RBFOX2: variants seen among roughly 807,000 people sequenced by gnomAD.
The protein encoded by RBFOX2 is RNA binding protein fox-1 homolog 2.
RBFOX2 carries 10 observed loss-of-function variants against 49.1 expected under a neutral mutation model. The observed-to-expected ratio is 0.20, with a 90% confidence interval of 0.13 to 0.35. The LOEUF is 0.35. Among genes scored for constraint, RBFOX2 ranks in the 10% least tolerant of loss-of-function variants. The pLI is 1.00. For missense variants in RBFOX2, 323 were observed against 486.9 expected (o/e 0.66, Z 3.17); for synonymous variants, 183 against 187.4 (o/e 0.98, Z 0.19).
intron 1 of RBFOX2, among the ~76,000 whole-genome samples, chr22:35,825,981 CAAA>C (rs901630936): frequency 2.5e-5 from 1 of 39,856 alleles, no homozygotes; most frequent in African/African-American, 1.1e-4. Context: ...GACTCCGCTT[CAAA>C]AAAAAAAAAA....
At chr22:35,961,951 G>T (rs551162734), upstream of RBFOX2, among the ~76,000 whole-genome samples, 3 of 152,128 alleles carry the variant, frequency 2.0e-5, no homozygotes, top group African/African-American at 7.2e-5. Context: ...GATATCTGCT[G>T]AGCATTAAAA....
At chr22:35,955,035 A>G (rs958740457) in intron 1 of RBFOX2, among the ~76,000 whole-genome samples, 1 of 152,130 alleles carries the variant, frequency 6.6e-6, no homozygotes. Flanking sequence ...ACATCAACTC[A>G]AGCAAAATTC....
At chr22:36,022,953 G>A (rs1437913221) in intron 1 of RBFOX2, among the ~76,000 whole-genome samples, 1 of 152,106 alleles carries the variant, frequency 6.6e-6, no homozygotes, top group African/African-American at 2.4e-5. Context: ...AATGTCTGTT[G>A]TTTAAGCCAC....
intron 1 of RBFOX2, among the ~76,000 whole-genome samples, chr22:35,821,264 C>A (rs1397276113): frequency 6.6e-6 from 1 of 152,010 alleles, no homozygotes; most frequent in Non-Finnish European, 1.5e-5. Context: ...AACACATGCA[C>A]ATGATAGCAA....
intron 1 of RBFOX2, among the ~76,000 whole-genome samples, chr22:35,916,636 C>A (rs578231154): frequency 1.3e-4 from 20 of 152,248 alleles, no homozygotes; most frequent in Middle Eastern, 6.8e-3. Flanking sequence ...TAGCTCATGC[C>A]TGTAATCCCA....
intron 1 of RBFOX2, among the ~76,000 whole-genome samples, chr22:35,980,606 G>A (rs1172580959): frequency 4.5e-5 from 5 of 110,042 alleles, no homozygotes; most frequent in South Asian, 3.2e-4. Context: ...AAAATTAAGC[G>A]GTTTTCTTCT....
chr22:35,794,386 C>T (rs538513243), intron 2 of RBFOX2, among the ~76,000 whole-genome samples: 1 of 152,164 alleles, frequency 6.6e-6, no homozygotes, highest in South Asian at 2.1e-4. Context: ...AGGCCGTGCG[C>T]GGTGGCTCAC....
chr22:35,976,103 C>T (rs553006834), intron 1 of RBFOX2, among the ~76,000 whole-genome samples: 2 of 152,250 alleles, frequency 1.3e-5, no homozygotes, highest in East Asian at 1.9e-4. Context: ...TTCAATAAAT[C>T]GCATCCCCTC....
At chr22:35,970,995 G>A (rs929619740) in intron 1 of RBFOX2, among the ~76,000 whole-genome samples, 4 of 152,002 alleles carry the variant, frequency 2.6e-5, no homozygotes, top group Non-Finnish European at 4.4e-5. Flanking sequence ...AGAAAATCAA[G>A]TATATATATA....
chr22:35,855,255 A>T (rs2042382399), intron 1 of RBFOX2, among the ~76,000 whole-genome samples: 1 of 152,166 alleles, frequency 6.6e-6, no homozygotes, highest in Non-Finnish European at 1.5e-5. Context: ...GATGATGCCA[A>T]TCTATTCCAC....
At chr22:35,871,957 TA>T (rs1355456167) in intron 1 of RBFOX2, among the ~76,000 whole-genome samples, 1 of 152,218 alleles carries the variant, frequency 6.6e-6, no homozygotes, top group Admixed American at 6.5e-5. Flanking sequence ...TTCAAATTTG[TA>T]AAACCTCTGT....
At position 35,745,906 on chromosome 22, in the gene RBFOX2, G is replaced by C; in HGVS notation, c.1049+17C>G. 1.3e-6 allele frequency: 2 copies of C among 1,599,906 alleles called. No homozygotes were observed. The highest frequency in any genetic ancestry group is 1.7e-6 in the Non-Finnish European group (2 of 1,167,308). On this transcript the variant is annotated intron_variant, in intron 11 of 11. Coordinates refer to ENST00000405409, the Ensembl canonical transcript of RBFOX2. ...AATGAAATGGTTTTATAAAGCAATG[G>C]TATATTATATACTTACCACAGCGCC...
chr22:35,790,223 T>C (rs1409475258), intron 2 of RBFOX2, among the ~76,000 whole-genome samples: 2 of 152,250 alleles, frequency 1.3e-5, no homozygotes, highest in African/African-American at 4.8e-5. Context: ...TGAGCTGACA[T>C]GTATATTCTA....
chr22:36,023,463 C>A (rs2059320271), intron 1 of RBFOX2, among the ~76,000 whole-genome samples: 1 of 152,072 alleles, frequency 6.6e-6, no homozygotes, highest in South Asian at 2.1e-4. Context: ...TACATCTTAC[C>A]TTATACAGCA....
chr22:35,795,425 C>T (rs934060896), intron 2 of RBFOX2, among the ~76,000 whole-genome samples: 12 of 151,946 alleles, frequency 7.9e-5, no homozygotes, highest in African/African-American at 2.9e-4. Flanking sequence ...CCCCTTCTTC[C>T]CATTATGTTC....
At chr22:35,836,780 T>C (rs146980184) in intron 1 of RBFOX2, among the ~76,000 whole-genome samples, 5 of 152,340 alleles carry the variant, frequency 3.3e-5, no homozygotes, top group African/African-American at 1.2e-4. Context: ...CTTTCAACAA[T>C]AGATAGTATA....
At chr22:35,982,453 A>G (rs987388668) in intron 1 of RBFOX2, among the ~76,000 whole-genome samples, 1 of 151,754 alleles carries the variant, frequency 6.6e-6, no homozygotes, top group East Asian at 1.9e-4. Context: ...TCCCTACTAC[A>G]CTGGGAGCCC....
intron 1 of RBFOX2, among the ~76,000 whole-genome samples, chr22:36,001,803 C>T (rs2058436416): frequency 6.6e-6 from 1 of 151,950 alleles, no homozygotes; most frequent in South Asian, 2.1e-4. Flanking sequence ...GTGGCTCACG[C>T]CTGTAATCCC....
At chr22:35,852,232 T>C (rs1286951126) in intron 1 of RBFOX2, among the ~76,000 whole-genome samples, 3 of 152,186 alleles carry the variant, frequency 2.0e-5, no homozygotes, top group Non-Finnish European at 2.9e-5. Flanking sequence ...TACACCATTT[T>C]ATATAAGAAA....
Sources: allele counts gnomAD v4.1 joint callset (sites outside exome capture counted in the v4.1 genomes callset), GRCh38; gene constraint gnomAD v4.1.1; transcripts MANE v1.5; gene names NCBI Gene and HGNC (gene_info 2026-07-23, HGNC 2026-07-21).